The following PRDM10 variants were observed in gnomAD, a reference collection of about 807,000 sequenced individuals.
PRDM10 encodes the protein PR domain zinc finger protein 10.
A neutral mutation model predicts 133.1 loss-of-function variants in PRDM10; 65 were observed. The ratio of observed to expected loss-of-function variants is 0.49; its 90% CI spans 0.40 to 0.60. The LOEUF is 0.60. Ranked by LOEUF, PRDM10 falls within the 20% of genes least tolerant of loss-of-function variation. The pLI is 0.00. For missense variants in PRDM10, 1,137 were observed against 1,507.1 expected, an observed-to-expected ratio of 0.75 and a Z score of 4.07; for synonymous variants, 582 against 580.4, an observed-to-expected ratio of 1.00 and a Z score of -0.04.
At chr11:129,952,417 A>G (rs903690131) in intron 4 of PRDM10, among the ~76,000 whole-genome samples, 2 of 152,242 alleles carry the variant, frequency 1.3e-5, no homozygotes, top group Non-Finnish European at 2.9e-5. Flanking sequence ...TAGAAAATCA[A>G]TTATCAAAAT....
intron 1 of PRDM10, among the ~76,000 whole-genome samples, chr11:129,977,933 C>T (rs559662976): frequency 6.6e-6 from 1 of 151,412 alleles, no homozygotes; most frequent in South Asian, 2.1e-4. Context: ...TGCACTCCAG[C>T]CTGGGCGACA....
At chr11:129,975,401 G>T (rs373532194) in intron 1 of PRDM10, among the ~76,000 whole-genome samples, 6 of 151,124 alleles carry the variant, frequency 4.0e-5, no homozygotes, top group African/African-American at 1.5e-4. Flanking sequence ...CTCCAGCCTG[G>T]ATAACAGGCG....
chr11:129,994,717 T>A (rs937390842), intron 1 of PRDM10, among the ~76,000 whole-genome samples: 2 of 152,082 alleles, frequency 1.3e-5, no homozygotes, highest in Non-Finnish European at 2.9e-5. Context: ...AGTGGCACAA[T>A]CTCAGCTCAC....
intron 4 of PRDM10, among the ~76,000 whole-genome samples, chr11:129,948,706 G>A (rs1951498454): frequency 6.6e-6 from 1 of 152,122 alleles, no homozygotes; most frequent in Non-Finnish European, 1.5e-5. Context: ...AATATCTGAA[G>A]GCCAAAAAAC....
In PRDM10 at chr11:129,957,824, C is replaced by T. The variant is rs763233482; in HGVS notation, c.156G>A (p.Thr52=). Residue 52 remains threonine, a synonymous_variant, in exon 3 of 21, where the codon ACG becomes ACA. Transcript: ENST00000360871. The part of the protein sequence containing the change: ...QVRPPQQVVY[T]ADGASYTSVD... ...CTGATGTGTAGGAGGCACCATCTGCCGTGTACACCACCTGCTGTGGGGGGC... is the reference window on the plus strand; with the variant it reads ...CTGATGTGTAGGAGGCACCATCTGCTGTGTACACCACCTGCTGTGGGGGGC... 6.2e-6 allele frequency: 10 copies of T among 1,614,066 alleles called. No homozygotes were observed. Among genetic ancestry groups the T allele is most frequent in the African/African-American group, 2.7e-5 (2 of 74,928 alleles).
intron 1 of PRDM10, among the ~76,000 whole-genome samples, chr11:129,978,723 T>A (rs1937929716): frequency 6.6e-6 from 1 of 152,240 alleles, no homozygotes; most frequent in Admixed American, 6.5e-5. Flanking sequence ...CACAAAGGGC[T>A]GCAGAGACTA....
intron 13 of PRDM10, among the ~76,000 whole-genome samples, chr11:129,922,394 T>G (rs943002198): frequency 1.3e-5 from 2 of 152,316 alleles, no homozygotes; most frequent in African/African-American, 4.8e-5. Context: ...CTTTTCACAC[T>G]GGAGTTCTCT....
intron 4 of PRDM10, among the ~76,000 whole-genome samples, chr11:129,951,815 C>A (rs573371176): frequency 6.6e-6 from 1 of 152,112 alleles, no homozygotes; most frequent in Non-Finnish European, 1.5e-5. Flanking sequence ...CTGGAGACCA[C>A]TGATGCCTTT....
rs147190509 is a variant in PRDM10 at position 129,914,809 on chromosome 11, C to A, written c.2736G>T (p.Thr912=). The A allele has an allele frequency of 6.2e-6, 10 of 1,614,026 alleles. No homozygotes were observed. The highest frequency in any genetic ancestry group is 8.5e-6 in the Non-Finnish European group (10 of 1,180,048). ...LSQTLTTDYR[T]PQGDYQRIQY... ...GAATTCTCTGGTAATCCCCTTGTGG[C>A]GTTCGGTAGTCTGTCGTTAAGGTCT... The change falls in exon 17 of 21, where the codon ACG becomes ACT. Residue 912 remains threonine (T), a synonymous_variant. Transcript: ENST00000360871.
chr11:129,955,483 C>T (rs1951678943), intron 4 of PRDM10, 29 bp downstream of exon 4: 2 of 1,609,374 alleles, frequency 1.2e-6, no homozygotes, highest in Admixed American at 1.7e-5. Flanking sequence ...ACAGTGTTAT[C>T]CCCAAACAAG....
In PRDM10 at chr11:129,932,051, C is replaced by T. The variant is rs374436444; in HGVS notation, c.1287+51G>A. ...TACTTAGGTCTCGTCAGGGATCTGG[C>T]GAGTCCTCCACACAAGCACCTAAGG... On this transcript the variant is annotated intron_variant, in intron 10 of 20. Transcript: ENST00000360871. 7 of 1,579,214 alleles carry T rather than the reference C, an allele frequency of 4.4e-6. No individual in the cohort carries two copies. The Admixed American group carries it at 5.2e-5, about 12-fold the overall frequency.
intron 4 of PRDM10, among the ~76,000 whole-genome samples, chr11:129,951,308 A>G (rs530208106): frequency 9.2e-5 from 14 of 152,308 alleles, no homozygotes; most frequent in Non-Finnish European, 1.9e-4. Context: ...TTTCCACTAC[A>G]TCACGATGGC....
chr11:129,988,908 C>A (rs1446120822), intron 1 of PRDM10, among the ~76,000 whole-genome samples: 1 of 151,876 alleles, frequency 6.6e-6, no homozygotes, highest in Non-Finnish European at 1.5e-5. Context: ...GGATTACAGG[C>A]GTGAGCCACT....
rs1369807938 is a variant in PRDM10 at position 129,947,751 on chromosome 11, A to AGCCGTTTCACACTGCTTGAGAGGCCT, written c.295-407_295-382dup. The AGCCGTTTCACACTGCTTGAGAGGCCT allele has an allele frequency of 2.6e-6, 1 of 385,570 alleles. No homozygotes were observed. Among genetic ancestry groups the AGCCGTTTCACACTGCTTGAGAGGCCT allele is most frequent in the Non-Finnish European group, 4.8e-6 (1 of 206,218 alleles). 23.9% of individuals were successfully genotyped at this position (385,570 alleles called of 1,614,324 possible). The stretch of plus-strand genomic sequence containing the variant: ...AACCTGGTCTCTTCCTGGCTCATTC[A>AGCCGTTTCACACTGCTTGAGAGGCCT]GCCGTTTCACACTGCTTGAGAGGCC... On this transcript the variant is annotated intron_variant, in intron 4 of 20. Transcript: ENST00000360871. This position sits in a 1 kb window ranked among gnomAD's most constrained non-coding sequence, Gnocchi z 4.6.
rs1186112297 is a variant in PRDM10, at chr11:129,925,154, G to A, written c.1606C>T (p.Arg536Trp). The change falls in exon 12 of 21, where the codon CGG becomes TGG. Residue 536 changes from arginine to tryptophan, a missense_variant. This residue lies in a region of PRDM10 where 635 missense variants were observed against 835.2 expected (regional missense o/e 0.76). Coordinates refer to ENST00000360871, the MANE Select transcript of PRDM10 (RefSeq NM_199437.2). ...TGCTGGTCCAGTTTGTCCTTTTCCC[G>A]GAAGGCCTTCCCACACTGCAAGCAT... The part of the protein sequence containing the change: ...FKCLQCGKAF[R>W]EKDKLDQHLR... 15 of 1,614,040 alleles carry A rather than the reference G, an allele frequency of 9.3e-6. No homozygotes were observed. Among genetic ancestry groups the A allele is most frequent in the East Asian group, 4.5e-5 (2 of 44,894 alleles).
Position 129,902,448 on chromosome 11 carries a change from T to G in PRDM10, c.3336A>C (p.Gly1112=). The change falls in exon 21 of 21, where the codon GGA becomes GGC. Residue 1112 remains glycine (G), a synonymous_variant. Coordinates refer to ENST00000360871, the MANE Select transcript of PRDM10 (RefSeq NM_199437.2). ...TGTGTGCAGGTGGCTCGACCTGGAC[T>G]CCACCAGAGAGGGCAGAAGTTTGCT... The part of the protein sequence containing the change: ...EEKQTSALSG[G]VQVEPPAHSD... 1 of 1,614,214 alleles carries G rather than the reference T, an allele frequency of 6.2e-7. No individual in the cohort carries two copies. The highest frequency in any genetic ancestry group is 8.5e-7 in the Non-Finnish European group (1 of 1,180,030).
chr11:129,990,706 A>G (rs1938690662), intron 1 of PRDM10, among the ~76,000 whole-genome samples: 1 of 152,064 alleles, frequency 6.6e-6, no homozygotes, highest in African/African-American at 2.4e-5. Flanking sequence ...CCCGGCCTCA[A>G]AGTGATCCTC....
At chr11:129,943,735 C>A (rs992668921) in intron 6 of PRDM10, among the ~76,000 whole-genome samples, 1 of 152,184 alleles carries the variant, frequency 6.6e-6, no homozygotes, top group African/African-American at 2.4e-5. Flanking sequence ...TGGCTCATGC[C>A]TGTAATCCCA....
chr11:129,988,797 T>C (rs1938569525), intron 1 of PRDM10, among the ~76,000 whole-genome samples: 1 of 151,658 alleles, frequency 6.6e-6, no homozygotes, highest in Non-Finnish European at 1.5e-5. Flanking sequence ...ACCCAGCTAA[T>C]TTTTCGTATT....
Sources: gnomAD v4.1 joint callset for allele counts (sites outside exome capture counted in the v4.1 genomes callset) on GRCh38, gnomAD v4.1.1 for gene constraint, gnomAD v4.1.1 regional missense constraint, Gnocchi (gnomAD v3.1) non-coding constraint, MANE v1.5 for transcripts, NCBI Gene and HGNC (gene_info 2026-07-23, HGNC 2026-07-21) for gene names.